PTBP1: variants seen among roughly 807,000 people sequenced by gnomAD.
PTBP1 encodes the protein polypyrimidine tract binding protein 1, also known as polypyrimidine tract-binding protein 1.
Under a neutral mutation model 59.8 loss-of-function variants are expected in PTBP1, and 8 were observed. The ratio of observed to expected loss-of-function variants is 0.13; its 90% CI spans 0.08 to 0.24. PTBP1 has a LOEUF of 0.24. PTBP1 is among the 10% of genes least tolerant of loss of function. The pLI is 1.00. For missense variants in PTBP1, 686 were observed against 767.0 expected, an observed-to-expected ratio of 0.89 and a Z score of 1.25; for synonymous variants, 490 against 320.7, an observed-to-expected ratio of 1.53 and a Z score of -5.64.
intron 13 of PTBP1, 96 bp from the exon 14 acceptor site, chr19:810,447 G>A: frequency 9.6e-7 from 1 of 1,045,004 alleles, no homozygotes; most frequent in South Asian, 1.4e-5. Context: ...GCCTTCCCCG[G>A]CTACTCTGAA....
In PTBP1 at chr19:804,742, A is replaced by G. The variant is rs371808681; in HGVS notation, c.606+40A>G. 38 of 1,609,858 alleles carry G rather than the reference A, an allele frequency of 2.4e-5. No individual in the cohort carries two copies. In the African/African-American group the frequency reaches 3.3e-4, roughly 14 times the overall value. On this transcript the variant is annotated intron_variant, in intron 6 of 14. Coordinates refer to ENST00000356948, the MANE Select transcript of PTBP1 (RefSeq NM_002819.5). ...TCACCGCCAGGGCAGGTCGGCTGCTATTGCTGTGGGCACAGGCACACGGGA... is the reference window on the plus strand; with the variant it reads ...TCACCGCCAGGGCAGGTCGGCTGCTGTTGCTGTGGGCACAGGCACACGGGA...
chr19:802,198 C>T (rs945066481), intron 2 of PTBP1, among the ~76,000 whole-genome samples: 6 of 152,166 alleles, frequency 3.9e-5, no homozygotes, highest in African/African-American at 1.4e-4. Flanking sequence ...GAGCAGGTGC[C>T]GGAGTCTCCC....
intron 2 of PTBP1, 33 bp downstream of exon 2, chr19:799,476 C>T (rs768962028): frequency 6.2e-7 from 1 of 1,611,504 alleles, no homozygotes; most frequent in Admixed American, 1.7e-5. Context: ...CTCCGTGACG[C>T]TCCTCTGACC....
chr19:802,199 G>A (rs1042638133), intron 2 of PTBP1, among the ~76,000 whole-genome samples: 6 of 152,218 alleles, frequency 3.9e-5, no homozygotes, highest in South Asian at 2.1e-4. Flanking sequence ...AGCAGGTGCC[G>A]GAGTCTCCCG....
rs1333001623 is a variant in PTBP1 at position 810,624 on chromosome 19, A to AGTATGAGGCGG, written c.1541+6_1541+16dup. ...TCAAAGGATTCAAGTTCTTCCAGTG[A>AGTATGAGGCGG]GTATGAGGCGGGCTGTCCCTGGCTC... On this transcript the variant is annotated splice_donor_region_variant and intron_variant, in intron 14 of 14. Transcript: ENST00000356948. 1.4e-5 allele frequency: 23 copies of AGTATGAGGCGG among 1,613,334 alleles called. No individual in the cohort carries two copies. Among genetic ancestry groups the AGTATGAGGCGG allele is most frequent in the Non-Finnish European group, 1.9e-5 (23 of 1,179,838 alleles).
At chr19:799,669 T>G (rs1388207147) in intron 2 of PTBP1, among the ~76,000 whole-genome samples, 4 of 152,258 alleles carry the variant, frequency 2.6e-5, no homozygotes, top group Non-Finnish European at 5.9e-5. Context: ...AGGTCTGGAA[T>G]CTGAGCTGCT....
chr19:803,443 G>T lies in PTBP1; in HGVS notation c.40-118G>T. 5.0e-6 allele frequency: 4 copies of T among 792,668 alleles called. No homozygotes were observed. The Middle Eastern group carries it at 7.0e-4, about 140-fold the overall frequency. The allele number at this position is 792,668 out of a possible 1,614,324, so 49.1% of individuals were successfully genotyped here. ...GCCCTGCCGTGGAAGTGTGGGTGTG[G>T]GTATGGGTTGGGGGTCTGGGACCCC... On this transcript the variant is annotated intron_variant, in intron 2 of 14. Transcript: ENST00000356948.
In PTBP1 at chr19:811,034, T is replaced by TGGAG. The variant is rs2034839849; in HGVS notation, c.*210_*211insAGGG. 1 of 515,354 alleles carries TGGAG rather than the reference T, an allele frequency of 1.9e-6. No individual in the cohort carries two copies. Among genetic ancestry groups the TGGAG allele is most frequent in the Non-Finnish European group, 3.2e-6 (1 of 311,814 alleles). The allele number at this position is 515,354 out of a possible 1,614,324, so 31.9% of individuals were successfully genotyped here. On this transcript the variant is annotated 3_prime_UTR_variant, in exon 15 of 15. Coordinates refer to ENST00000356948, the MANE Select transcript of PTBP1 (RefSeq NM_002819.5). ...GGACAGCTCAGGCTCTTGGTGACTGTGGCAGCGGGAGTTCCCGGCCCTCCA... is the reference window on the plus strand; with the variant it reads ...GGACAGCTCAGGCTCTTGGTGACTGTGGAGGGCAGCGGGAGTTCCCGGCCCTCCA...
chr19:805,896 T>G, intron 9 of PTBP1: 1 of 377,140 alleles, frequency 2.7e-6, no homozygotes, highest in Non-Finnish European at 4.9e-6. Flanking sequence ...TGAATTTGAG[T>G]GGCCTGGTAA....
chr19:809,784 T>C (rs2034768247), intron 13 of PTBP1, among the ~76,000 whole-genome samples: 1 of 152,150 alleles, frequency 6.6e-6, no homozygotes, highest in Non-Finnish European at 1.5e-5. Flanking sequence ...GTCCCAGCTC[T>C]TCCGGATTGG....
In PTBP1 at chr19:797,461, C is replaced by T; in HGVS notation, c.-37C>T. 4 of 1,599,122 alleles carry T rather than the reference C, an allele frequency of 2.5e-6. No individual in the cohort carries two copies. Among genetic ancestry groups the T allele is most frequent in the Non-Finnish European group, 3.4e-6 (4 of 1,175,410 alleles). ...TGGGTCGGTTCCTGCTATTCCGGCGCCTCCACTCCGTCCCCCGCGGGTCTG... is the reference window on the plus strand; with the variant it reads ...TGGGTCGGTTCCTGCTATTCCGGCGTCTCCACTCCGTCCCCCGCGGGTCTG... On this transcript the variant is annotated 5_prime_UTR_variant, in exon 1 of 15. Coordinates refer to ENST00000356948, the MANE Select transcript of PTBP1 (RefSeq NM_002819.5).
In PTBP1 at chr19:808,487, C is replaced by A; in HGVS notation, c.1246+35C>A. The A allele has an allele frequency of 6.4e-7, 1 of 1,560,266 alleles. No homozygotes were observed. Among genetic ancestry groups the A allele is most frequent in the Non-Finnish European group, 8.7e-7 (1 of 1,153,292 alleles). On this transcript the variant is annotated intron_variant, in intron 12 of 14. Coordinates refer to ENST00000356948, the MANE Select transcript of PTBP1 (RefSeq NM_002819.5). The surrounding 1 kb of genome is among the most constrained non-coding windows in gnomAD (Gnocchi z 4.7). Reference sequence around the variant, plus strand: ...CGGGGCGGCCCCGGGGTGGAGGGGGCAGGGGCGGGGGCTGCGTTCCCTCTC... The same window carrying A: ...CGGGGCGGCCCCGGGGTGGAGGGGGAAGGGGCGGGGGCTGCGTTCCCTCTC...
At chr19:799,554 A>AGG in intron 2 of PTBP1, 111 bp downstream of exon 2, 1 of 1,036,204 alleles carries the variant, frequency 9.7e-7, no homozygotes, top group South Asian at 1.3e-5. Flanking sequence ...TCCATTCCTA[A>AGG]GGGGCACTAC....
In PTBP1 at chr19:798,280, C is replaced by T. The variant is rs542512354; in HGVS notation, c.8+775C>T. On this transcript the variant is annotated intron_variant, in intron 1 of 14. Transcript: ENST00000356948. ...GGGCCGGGGCAGCCTTTCCGGGCGGCTTTGCTGGGCGGGCTTCCCTTGGGA... is the reference window on the plus strand; with the variant it reads ...GGGCCGGGGCAGCCTTTCCGGGCGGTTTTGCTGGGCGGGCTTCCCTTGGGA... 1.4e-4 allele frequency: 21 copies of T among 152,172 alleles called. 1 individual carries two copies. Among genetic ancestry groups the T allele is most frequent in the African/African-American group, 5.1e-4 (21 of 41,548 alleles). 9.4% of individuals were successfully genotyped at this position (152,172 alleles called of 1,614,324 possible). A position where few individuals can be genotyped will look rare whatever the true frequency, so the allele number is the denominator to read the frequency against.
At chr19:801,276 CGT>C (rs2034320886) in intron 2 of PTBP1, among the ~76,000 whole-genome samples, 1 of 152,222 alleles carries the variant, frequency 6.6e-6, no homozygotes, top group Non-Finnish European at 1.5e-5. Flanking sequence ...AGGCCCAGCT[CGT>C]GTCTCCTGGT....
intron 9 of PTBP1, 113 bp downstream of exon 9, chr19:805,682 TC>T (rs1363507584): frequency 1.1e-6 from 1 of 889,028 alleles, no homozygotes; most frequent in African/African-American, 1.7e-5. Context: ...GAGTGCCAGG[TC>T]AGGGGCCCTT....
intron 10 of PTBP1, chr19:807,574 T>A: frequency 2.4e-6 from 1 of 424,178 alleles, no homozygotes; most frequent in South Asian, 4.9e-5. Context: ...CCCTATTTTT[T>A]TTCTTGCCCT....
intron 9 of PTBP1, chr19:806,152 T>G (rs1023788870): frequency 4.8e-6 from 2 of 412,700 alleles, no homozygotes; most frequent in African/African-American, 2.1e-5. Context: ...TTTTCTGTGC[T>G]GTGGGCGGGG....
intron 2 of PTBP1, among the ~76,000 whole-genome samples, chr19:802,250 C>CT (rs1368060988): frequency 6.6e-6 from 1 of 152,144 alleles, no homozygotes; most frequent in Non-Finnish European, 1.5e-5. Context: ...AGCTGTGGGG[C>CT]TTTGGAGGCT....
Sources: allele counts gnomAD v4.1 joint callset (sites outside exome capture counted in the v4.1 genomes callset), GRCh38; gene constraint gnomAD v4.1.1; non-coding constraint Gnocchi (gnomAD v3.1); transcripts MANE v1.5; gene names NCBI Gene and HGNC (gene_info 2026-07-23, HGNC 2026-07-21).